The following SLIT3 variants were observed in gnomAD, a reference collection of about 807,000 sequenced individuals.
The protein encoded by SLIT3 is slit homolog 3 protein.
SLIT3 carries 68 observed loss-of-function variants against 184.0 expected under a neutral mutation model. The ratio of observed to expected loss-of-function variants is 0.37; its 90% CI spans 0.30 to 0.45. The LOEUF is 0.45. Among genes scored for constraint, SLIT3 ranks in the 20% least tolerant of loss-of-function variants. The pLI is 1.00. For synonymous variants in SLIT3, 831 were observed against 828.6 expected (o/e 1.00, Z -0.05); for missense variants, 1,707 against 2,026.0 (o/e 0.84, Z 3.02).
At chr5:168,735,635 C>T (rs147187629) in intron 20 of SLIT3, among the ~76,000 whole-genome samples, 72 of 149,396 alleles carry the variant, frequency 4.8e-4, no homozygotes, top group Admixed American at 1.3e-3. Flanking sequence ...TTTAAATATA[C>T]ATACACATAC....
chr5:169,280,143 TCTC>T (rs1766948409), intron 1 of SLIT3, among the ~76,000 whole-genome samples: 1 of 152,076 alleles, frequency 6.6e-6, no homozygotes, highest in Non-Finnish European at 1.5e-5. Context: ...CCGCTGGGGG[TCTC>T]CTTGTGCCTT....
chr5:168,877,026 T>G (rs1247750360), intron 5 of SLIT3, among the ~76,000 whole-genome samples: 2 of 152,220 alleles, frequency 1.3e-5, no homozygotes, highest in Non-Finnish European at 2.9e-5. Flanking sequence ...TCAATACATT[T>G]CTAGTCCACT....
chr5:169,221,544 C>T lies in SLIT3; in HGVS notation c.341+23161G>A, dbSNP rs1169669600. Among the ~76,000 whole-genome samples the T allele has an allele frequency of 2.0e-5, 3 of 152,208 alleles. No individual in the cohort carries two copies. In the East Asian group the frequency reaches 5.8e-4, roughly 29 times the overall value. ...CTACTCAGTGCACTCAACAGTATTA[C>T]ACATCTGAATGGGTGTTAGGCTCCC... On this transcript the variant is annotated intron_variant, in intron 3 of 35. Transcript: ENST00000519560.
chr5:169,144,808 G>A (rs867993222), intron 4 of SLIT3, among the ~76,000 whole-genome samples: 1 of 152,312 alleles, frequency 6.6e-6, no homozygotes, highest in Non-Finnish European at 1.5e-5. Flanking sequence ...AGAAAAAGAC[G>A]GGCTTTGTCC....
At chr5:168,878,837 C>T (rs1345224582) in intron 5 of SLIT3, among the ~76,000 whole-genome samples, 1 of 151,810 alleles carries the variant, frequency 6.6e-6, no homozygotes, top group East Asian at 1.9e-4. Flanking sequence ...GCCTCAGTCT[C>T]CCGAGTAGCT....
At chr5:169,269,232 A>C (rs892660104) in intron 1 of SLIT3, among the ~76,000 whole-genome samples, 4 of 152,166 alleles carry the variant, frequency 2.6e-5, no homozygotes, top group Admixed American at 6.5e-5. Flanking sequence ...AACCCTTTGG[A>C]TCCAATGACT....
chr5:168,906,707 T>C (rs1331612902), intron 4 of SLIT3, among the ~76,000 whole-genome samples: 2 of 152,312 alleles, frequency 1.3e-5, no homozygotes, highest in East Asian at 3.9e-4. Context: ...ACTTTGTAAC[T>C]CTAGATATTT....
intron 4 of SLIT3, among the ~76,000 whole-genome samples, chr5:168,991,464 G>A (rs889793604): frequency 2.6e-5 from 4 of 152,228 alleles, no homozygotes; most frequent in African/African-American, 9.6e-5. Flanking sequence ...CCCAGGTGCT[G>A]TGTGGGCCAC....
At chr5:169,131,358 G>A (rs535583034) in intron 4 of SLIT3, among the ~76,000 whole-genome samples, 1 of 152,254 alleles carries the variant, frequency 6.6e-6, no homozygotes, top group East Asian at 1.9e-4. Context: ...TCAGGCCCCA[G>A]CCAGACCACC....
intron 4 of SLIT3, among the ~76,000 whole-genome samples, chr5:169,095,938 C>T (rs780652995): frequency 3.3e-5 from 5 of 152,176 alleles, no homozygotes; most frequent in Non-Finnish European, 5.9e-5. Flanking sequence ...GATCATAATG[C>T]ATTCTGTAAA....
intron 1 of SLIT3, among the ~76,000 whole-genome samples, chr5:169,255,791 G>C (rs886983802): frequency 2.0e-5 from 3 of 152,136 alleles, no homozygotes; most frequent in Non-Finnish European, 2.9e-5. Context: ...GCTGAGGCAG[G>C]AGAATGGTGT....
At chr5:168,820,672 T>C (rs2113664489) in intron 7 of SLIT3, among the ~76,000 whole-genome samples, 1 of 152,334 alleles carries the variant, frequency 6.6e-6, no homozygotes, top group South Asian at 2.1e-4. Flanking sequence ...GGGTCCTGCA[T>C]GTTGTTCTGC....
chr5:169,039,112 A>AT (rs1299782104), intron 4 of SLIT3, among the ~76,000 whole-genome samples: 1 of 152,152 alleles, frequency 6.6e-6, no homozygotes, highest in African/African-American at 2.4e-5. Flanking sequence ...GGTTAGTTAC[A>AT]TATGTATACA....
At chr5:168,992,612 T>C (rs1348827112) in intron 4 of SLIT3, among the ~76,000 whole-genome samples, 1 of 152,184 alleles carries the variant, frequency 6.6e-6, no homozygotes, top group Non-Finnish European at 1.5e-5. Flanking sequence ...AAAAGTTCTC[T>C]GGTCAGGTTG....
intron 23 of SLIT3, among the ~76,000 whole-genome samples, chr5:168,716,474 A>T (rs1229882551): frequency 6.6e-6 from 1 of 152,208 alleles, no homozygotes; most frequent in Non-Finnish European, 1.5e-5. Context: ...GCACTCAGTC[A>T]CATTAGCTAT....
chr5:169,271,900 C>T (rs983397484), intron 1 of SLIT3, among the ~76,000 whole-genome samples: 12 of 152,190 alleles, frequency 7.9e-5, no homozygotes, highest in African/African-American at 2.9e-4. Context: ...GACTAGGCTT[C>T]CAGGGTATCC....
At chr5:169,174,241 C>G (rs1762900324) in intron 4 of SLIT3, among the ~76,000 whole-genome samples, 1 of 152,144 alleles carries the variant, frequency 6.6e-6, no homozygotes, top group Admixed American at 6.6e-5. Flanking sequence ...TTTCCCTTAT[C>G]CTGCATTTCT....
At chr5:168,931,895 C>T (rs1761997664) in intron 4 of SLIT3, among the ~76,000 whole-genome samples, 1 of 152,104 alleles carries the variant, frequency 6.6e-6, no homozygotes, top group African/African-American at 2.4e-5. Context: ...GTGTCACGTA[C>T]CCAAGAGCTG....
chr5:169,126,948 A>G (rs1761101276), intron 4 of SLIT3, among the ~76,000 whole-genome samples: 2 of 152,184 alleles, frequency 1.3e-5, no homozygotes, highest in African/African-American at 4.8e-5. Context: ...TTCACGATCC[A>G]CATAATTACA....
Sources: gnomAD v4.1 joint callset for allele counts (sites outside exome capture counted in the v4.1 genomes callset) on GRCh38, gnomAD v4.1.1 for gene constraint, MANE v1.5 for transcripts, NCBI Gene and HGNC (gene_info 2026-07-23, HGNC 2026-07-21) for gene names.